The following SLC16A9 variants were observed in gnomAD, a reference collection of about 807,000 sequenced individuals.
SLC16A9 encodes the protein monocarboxylate transporter 9.
A neutral mutation model predicts 44.3 loss-of-function variants in SLC16A9; 26 were observed. The ratio of observed to expected loss-of-function variants is 0.59; its 90% CI spans 0.43 to 0.81. The LOEUF is 0.81. Among genes scored for constraint, SLC16A9 ranks in the 40% least tolerant of loss-of-function variants. The pLI is 0.00. For synonymous variants in SLC16A9, 230 were observed against 225.1 expected, an observed-to-expected ratio of 1.02 and a Z score of -0.19; for missense variants, 559 against 595.8, an observed-to-expected ratio of 0.94 and a Z score of 0.64.
chr10:59,678,886 A>T (rs935283175), intron 2 of SLC16A9, among the ~76,000 whole-genome samples: 2 of 152,116 alleles, frequency 1.3e-5, no homozygotes, highest in Non-Finnish European at 2.9e-5. Flanking sequence ...CTGCCAATGC[A>T]ACAGAATCCT....
chr10:59,692,136 G>T (rs368670813), intron 1 of SLC16A9, among the ~76,000 whole-genome samples: 1 of 152,182 alleles, frequency 6.6e-6, no homozygotes, highest in Admixed American at 6.5e-5. Flanking sequence ...CTACCGGATT[G>T]TCTGGTGCTG....
At position 59,684,191 on chromosome 10, in the gene SLC16A9, C is replaced by G. The variant is rs915486090; in HGVS notation, c.101G>C (p.Gly34Ala). ...ATCCAGCCATTCTATGTACAGGACTCCAACAGCTAGTGGGGATCCGTAACA... is the reference window on the plus strand; with the variant it reads ...ATCCAGCCATTCTATGTACAGGACTGCAACAGCTAGTGGGGATCCGTAACA... ...FLCYGSPLAV[G>A]VLYIEWLDAF... The change falls in exon 2 of 6, where the codon GGA (glycine) becomes GCA (alanine). Residue 34 changes from glycine (G) to alanine (A), a missense_variant. Coordinates refer to ENST00000395348, the MANE Select transcript of SLC16A9 (RefSeq NM_194298.3). 1 of 1,613,942 alleles carries G rather than the reference C, an allele frequency of 6.2e-7. No homozygotes were observed. Among genetic ancestry groups the G allele is most frequent in the African/African-American group, 1.3e-5 (1 of 74,908 alleles).
chr10:59,680,590 A>ATAT (rs766178526), intron 2 of SLC16A9, among the ~76,000 whole-genome samples: 2 of 152,248 alleles, frequency 1.3e-5, no homozygotes, highest in Non-Finnish European at 2.9e-5. Flanking sequence ...AGCAAATCAT[A>ATAT]TATCAGAGAG....
rs1352960569 is a variant in SLC16A9, at chr10:59,651,602, A to G, written c.*1170T>C. Reference sequence around the variant, plus strand: ...TCTATAGGGAATTCTGATGCATACCAAAGTTTAAAACCCATTTCTTTAGAA... The same window carrying G: ...TCTATAGGGAATTCTGATGCATACCGAAGTTTAAAACCCATTTCTTTAGAA... On this transcript the variant is annotated 3_prime_UTR_variant, in exon 6 of 6. Coordinates refer to ENST00000395348, the MANE Select transcript of SLC16A9 (RefSeq NM_194298.3). 2.6e-5 allele frequency: 4 copies of G among 152,198 alleles called. No individual in the cohort carries two copies. Among genetic ancestry groups the G allele is most frequent in the African/African-American group, 9.7e-5 (4 of 41,448 alleles). 9.4% of individuals were successfully genotyped at this position (152,198 alleles called of 1,614,324 possible).
At chr10:59,675,841 C>A (rs1029984688) in intron 2 of SLC16A9, among the ~76,000 whole-genome samples, 6 of 152,222 alleles carry the variant, frequency 3.9e-5, no homozygotes, top group Non-Finnish European at 7.3e-5. Flanking sequence ...ACTTGTAAAA[C>A]CCCAAGTCAA....
At chr10:59,680,315 T>C (rs1162776229) in intron 2 of SLC16A9, among the ~76,000 whole-genome samples, 1 of 152,218 alleles carries the variant, frequency 6.6e-6, no homozygotes, top group Admixed American at 6.5e-5. Flanking sequence ...AGTTGTAATA[T>C]GCTATTATGA....
chr10:59,708,953 G>A (rs1254446172), intron 1 of SLC16A9, among the ~76,000 whole-genome samples: 2 of 152,210 alleles, frequency 1.3e-5, no homozygotes, highest in Admixed American at 1.3e-4. Context: ...TGCAGAATCC[G>A]CCGGCCCTGC....
chr10:59,663,372 A>AAAAG (rs1332913705), intron 4 of SLC16A9, among the ~76,000 whole-genome samples: 1 of 152,098 alleles, frequency 6.6e-6, no homozygotes, highest in Non-Finnish European at 1.5e-5. Flanking sequence ...AAAAAAAGAA[A>AAAAG]AAAGAAAGAA....
intron 1 of SLC16A9, among the ~76,000 whole-genome samples, chr10:59,684,937 G>A (rs12572003): frequency 0.12 from 18,902 of 152,186 alleles, 1,287 homozygotes; most frequent in Middle Eastern, 0.2. Context: ...TCCCTTCAAA[G>A]GAGGCAATCT....
At chr10:59,706,998 T>TC (rs1304209417) in intron 1 of SLC16A9, among the ~76,000 whole-genome samples, 3 of 58,442 alleles carry the variant, frequency 5.1e-5, no homozygotes, top group African/African-American at 2.1e-4. Context: ...AAACTCCATC[T>TC]CAAAAAAAAA....
intron 2 of SLC16A9, among the ~76,000 whole-genome samples, chr10:59,674,636 A>G (rs534598316): frequency 1.3e-5 from 2 of 152,382 alleles, no homozygotes; most frequent in South Asian, 4.1e-4. Context: ...CTAATTTTAC[A>G]AATGAATGTC....
chr10:59,676,598 C>T (rs1365184082), intron 2 of SLC16A9, among the ~76,000 whole-genome samples: 1 of 152,084 alleles, frequency 6.6e-6, no homozygotes, highest in East Asian at 1.9e-4. Context: ...GCAAGGGTTC[C>T]TAATGTTTTA....
intron 4 of SLC16A9, among the ~76,000 whole-genome samples, chr10:59,656,956 T>C (rs1180205333): frequency 6.6e-6 from 1 of 152,176 alleles, no homozygotes; most frequent in Non-Finnish European, 1.5e-5. Flanking sequence ...CAGTGAGAAA[T>C]ACAGCCATGC....
intron 2 of SLC16A9, among the ~76,000 whole-genome samples, chr10:59,678,827 G>A (rs1172096569): frequency 6.6e-6 from 1 of 151,856 alleles, no homozygotes; most frequent in Non-Finnish European, 1.5e-5. Flanking sequence ...ACAGGCGTGA[G>A]CCACCGCGCC....
At chr10:59,686,832 C>T (rs1198322138) in intron 1 of SLC16A9, among the ~76,000 whole-genome samples, 2 of 152,164 alleles carry the variant, frequency 1.3e-5, no homozygotes, top group Admixed American at 1.3e-4. Flanking sequence ...CTCTGTTACA[C>T]AATGAGATGA....
intron 1 of SLC16A9, among the ~76,000 whole-genome samples, chr10:59,697,285 T>C (rs995524099): frequency 2.6e-5 from 4 of 151,000 alleles, no homozygotes. Context: ...TTTTGTGGAA[T>C]AGAAAGGGGG....
At chr10:59,657,127 T>C (rs940673565) in intron 4 of SLC16A9, among the ~76,000 whole-genome samples, 3 of 152,246 alleles carry the variant, frequency 2.0e-5, no homozygotes, top group African/African-American at 7.2e-5. Context: ...CATGGCTGTG[T>C]TATAATAAAA....
intron 1 of SLC16A9, among the ~76,000 whole-genome samples, chr10:59,693,610 A>ATTATTTAT (rs144381389): frequency 3.4e-4 from 51 of 151,132 alleles, no homozygotes; most frequent in African/African-American, 1.2e-3. Flanking sequence ...AATTTTATGT[A>ATTATTTAT]TTATTTATTT....
intron 2 of SLC16A9, among the ~76,000 whole-genome samples, chr10:59,682,360 T>G (rs1840043362): frequency 6.6e-6 from 1 of 152,186 alleles, no homozygotes; most frequent in Admixed American, 6.5e-5. Context: ...TGTAGCCAGT[T>G]CTGCCTAAGA....
Sources: allele counts gnomAD v4.1 joint callset (sites outside exome capture counted in the v4.1 genomes callset), GRCh38; gene constraint gnomAD v4.1.1; transcripts MANE v1.5; gene names NCBI Gene and HGNC (gene_info 2026-07-23, HGNC 2026-07-21).